The following TIAM1 variants were observed in gnomAD, a reference collection of about 807,000 sequenced individuals.
TIAM1 encodes the protein TIAM Rac1 associated GEF 1, also known as rho guanine nucleotide exchange factor TIAM1.
In TIAM1, 65 loss-of-function variants were observed where a neutral mutation model predicts 163.5. The observed-to-expected ratio is 0.40, with a 90% CI of 0.33 to 0.49. The LOEUF is 0.49. Among genes scored for constraint, TIAM1 ranks in the 20% least tolerant of loss-of-function variants. The probability of loss-of-function intolerance (pLI) is 0.77; values close to 1 mark genes in which losing one functional copy is unlikely to be tolerated. For missense variants in TIAM1, 1,789 were observed against 2,044.7 expected (o/e 0.87, Z 2.41); for synonymous variants, 833 against 810.1 (o/e 1.03, Z -0.48).
At chr21:31,402,211 C>CAA (rs201191352) in intron 2 of TIAM1, among the ~76,000 whole-genome samples, 5 of 150,260 alleles carry the variant, frequency 3.3e-5, no homozygotes, top group Non-Finnish European at 7.4e-5. Flanking sequence ...GACTCTGTCT[C>CAA]AAAAAAAACA....
intron 2 of TIAM1, among the ~76,000 whole-genome samples, chr21:31,440,854 C>A (rs1359808740): frequency 6.6e-6 from 1 of 152,096 alleles, no homozygotes; most frequent in African/African-American, 2.4e-5. Context: ...GCACTCCAGC[C>A]TGGCAACAGA....
intron 2 of TIAM1, among the ~76,000 whole-genome samples, chr21:31,405,624 T>C (rs2077234076): frequency 6.6e-6 from 1 of 152,146 alleles, no homozygotes; most frequent in Non-Finnish European, 1.5e-5. Flanking sequence ...CTTTCATAGA[T>C]TGCAGCAGGC....
intron 2 of TIAM1, among the ~76,000 whole-genome samples, chr21:31,350,509 A>C (rs944152745): frequency 6.6e-6 from 1 of 151,978 alleles, no homozygotes; most frequent in African/African-American, 2.4e-5. Context: ...ATGGGGGTGG[A>C]TTTCTCATGT....
In TIAM1 at chr21:31,417,948, G is replaced by A. The variant is rs144828968; in HGVS notation, c.-369+46035C>T. 6.0e-4 allele frequency among the ~76,000 whole-genome samples: 92 copies of A among 152,302 alleles called. 1 individual carries two copies. The highest frequency in any genetic ancestry group is 1.9e-3 in the African/African-American group (78 of 41,572). On this transcript the variant is annotated intron_variant, in intron 2 of 28. Coordinates refer to the TIAM1 transcript ENST00000286827. ...GGAGAGAGAGAGAAATTGAAGATGG[G>A]AAGGGGCAGCTCAAGTCAGCCAGGA...
intron 2 of TIAM1, among the ~76,000 whole-genome samples, chr21:31,356,170 A>C (rs1254954880): frequency 6.6e-6 from 1 of 152,254 alleles, no homozygotes; most frequent in African/African-American, 2.4e-5. Flanking sequence ...AATCCTTAAC[A>C]GCAAAGAAAG....
At chr21:31,174,921 C>T (rs1003928995) in intron 15 of TIAM1, among the ~76,000 whole-genome samples, 3 of 152,208 alleles carry the variant, frequency 2.0e-5, no homozygotes, top group African/African-American at 4.8e-5. Flanking sequence ...GCTGGGATTA[C>T]AGGCGTGAGC....
intron 1 of TIAM1, among the ~76,000 whole-genome samples, chr21:31,541,678 G>GTATCTA (rs755682986): frequency 6.6e-6 from 1 of 152,026 alleles, no homozygotes; most frequent in Admixed American, 6.6e-5. Flanking sequence ...ATACAAAGCT[G>GTATCTA]TATCTATTTA....
At chr21:31,402,620 G>A (rs1428091598) in intron 2 of TIAM1, among the ~76,000 whole-genome samples, 1 of 152,014 alleles carries the variant, frequency 6.6e-6, no homozygotes, top group African/African-American at 2.4e-5. Flanking sequence ...CAAGAACATA[G>A]TATTTCCCCC....
intron 6 of TIAM1, among the ~76,000 whole-genome samples, chr21:31,227,922 T>A (rs984005908): frequency 2.0e-5 from 3 of 151,872 alleles, no homozygotes; most frequent in Admixed American, 6.6e-5. Flanking sequence ...GCCCTTTTTT[T>A]TGAGACGGAG....
upstream of TIAM1, among the ~76,000 whole-genome samples, chr21:31,348,471 T>C (rs2076184199): frequency 6.6e-6 from 1 of 152,232 alleles, no homozygotes; most frequent in African/African-American, 2.4e-5. Flanking sequence ...TCAAATTACC[T>C]GAATCCAAAC....
chr21:31,188,364 A>G (rs756139480), intron 13 of TIAM1, among the ~76,000 whole-genome samples: 2 of 152,232 alleles, frequency 1.3e-5, no homozygotes, highest in Admixed American at 6.5e-5. Flanking sequence ...CCCTGCTGAA[A>G]TCAAAATATT....
intron 2 of TIAM1, among the ~76,000 whole-genome samples, chr21:31,442,218 G>A (rs1013057406): frequency 3.6e-4 from 53 of 148,068 alleles, no homozygotes; most frequent in Non-Finnish European, 6.0e-4. Flanking sequence ...AAGACGTAAC[G>A]TCAGGAGTAG....
At chr21:31,155,899 A>T (rs73349726) in intron 16 of TIAM1, among the ~76,000 whole-genome samples, 2,789 of 152,326 alleles carry the variant, frequency 0.018, 95 homozygotes, top group African/African-American at 0.064. Flanking sequence ...TCCAGTAAAT[A>T]CCGGTGCAAA....
chr21:31,362,696 A>G (rs1311636919), intron 2 of TIAM1, among the ~76,000 whole-genome samples: 1 of 151,744 alleles, frequency 6.6e-6, no homozygotes, highest in Non-Finnish European at 1.5e-5. Context: ...CGAACTCTTG[A>G]CCTCAAGTGA....
chr21:31,146,710 C>CAAAA (rs55662795), intron 20 of TIAM1, among the ~76,000 whole-genome samples, 185 bp downstream of exon 20: 2,039 of 131,598 alleles, frequency 0.015, 61 homozygotes, highest in African/African-American at 0.056. Flanking sequence ...GACTCTGTCT[C>CAAAA]AAAAAAAAAA....
intron 1 of TIAM1, among the ~76,000 whole-genome samples, chr21:31,490,680 A>G (rs2046435119): frequency 6.6e-6 from 1 of 152,222 alleles, no homozygotes; most frequent in Admixed American, 6.5e-5. Flanking sequence ...CCAATGGAAC[A>G]AGACAGGAAG....
chr21:31,553,349 C>T (rs944952177), intron 1 of TIAM1, among the ~76,000 whole-genome samples: 5 of 152,108 alleles, frequency 3.3e-5, no homozygotes, highest in African/African-American at 1.2e-4. Flanking sequence ...TATCCTGTGT[C>T]CTGTGAGGAG....
intron 2 of TIAM1, among the ~76,000 whole-genome samples, chr21:31,444,727 G>A (rs1029230): frequency 0.72 from 109,206 of 152,118 alleles, 39,874 homozygotes; most frequent in African/African-American, 0.84. Context: ...GGCCAGGCGC[G>A]GTGGCTCACG....
intron 2 of TIAM1, among the ~76,000 whole-genome samples, chr21:31,407,537 G>T (rs1335303643): frequency 6.6e-6 from 1 of 151,722 alleles, no homozygotes; most frequent in Non-Finnish European, 1.5e-5. Flanking sequence ...AAAACCAAAA[G>T]AAAGTCCGTG....
Sources: gnomAD v4.1 joint callset for allele counts (sites outside exome capture counted in the v4.1 genomes callset) on GRCh38, gnomAD v4.1.1 for gene constraint, MANE v1.5 for transcripts, NCBI Gene and HGNC (gene_info 2026-07-23, HGNC 2026-07-21) for gene names.